Variants in FLRT1 observed in about 807,000 individuals in gnomAD.
FLRT1 encodes fibronectin leucine rich transmembrane protein 1.
FLRT1 carries 14 observed loss-of-function variants against 30.9 expected under a neutral mutation model. The observed-to-expected ratio is 0.45, with a 90% CI of 0.30 to 0.71. The LOEUF (loss-of-function observed/expected upper bound fraction) is 0.71. Ranked by LOEUF, FLRT1 falls within the 30% of genes least tolerant of loss-of-function variation. The pLI, the probability that FLRT1 is intolerant of heterozygous loss-of-function variation, is 0.08. For missense variants in FLRT1, 737 were observed against 949.2 expected (o/e 0.78, Z 2.94); for synonymous variants, 368 against 430.4 (o/e 0.85, Z 1.80).
intron 1 of FLRT1, among the ~76,000 whole-genome samples, chr11:64,049,555 G>A (rs9666077): frequency 6.6e-6 from 1 of 152,144 alleles, no homozygotes; most frequent in Non-Finnish European, 1.5e-5. Context: ...CTTGGTCTCC[G>A]AGCTCAGCTG....
intron 1 of FLRT1, among the ~76,000 whole-genome samples, chr11:64,056,157 G>C (rs1243656947): frequency 6.6e-6 from 1 of 152,126 alleles, no homozygotes; most frequent in Non-Finnish European, 1.5e-5. Flanking sequence ...CGCCCACTTT[G>C]CTCCCATCTT....
At chr11:64,043,329 C>T (rs536622633) in intron 1 of FLRT1, among the ~76,000 whole-genome samples, 24 of 152,308 alleles carry the variant, frequency 1.6e-4, no homozygotes, top group African/African-American at 5.3e-4. Context: ...GCTAGCTTTC[C>T]GCCCTCAGGA....
chr11:64,079,790 T>C (rs1013341261), intron 1 of FLRT1, among the ~76,000 whole-genome samples: 4 of 152,074 alleles, frequency 2.6e-5, no homozygotes, highest in African/African-American at 9.7e-5. Flanking sequence ...CACTTCCATC[T>C]GGAGGTACAG....
At position 64,117,820 on chromosome 11, in the gene FLRT1, C is replaced by G. The variant is rs747209239; in HGVS notation, c.1553C>G (p.Ala518Gly). ...ATGGAGACCAGCAATGCCTACGTAG[C>G]TGATGAGACACCCGTGTGTGCCAAG... ...VTMETSNAYV[A>G]DETPVCAKAE... Residue 518 changes from alanine to glycine, a missense_variant, in exon 3 of 3, where the codon GCT (alanine) becomes GGT (glycine). Physicochemically the swap from Ala to Gly is moderately conservative, Grantham distance 60. Transcript: ENST00000682287. 1 of 1,614,210 alleles carries G rather than the reference C, an allele frequency of 6.2e-7. No individual in the cohort carries two copies. Among genetic ancestry groups the G allele is most frequent in the Non-Finnish European group, 8.5e-7 (1 of 1,180,046 alleles).
At chr11:64,089,248 G>C (rs2134516725) in intron 1 of FLRT1, among the ~76,000 whole-genome samples, 1 of 152,306 alleles carries the variant, frequency 6.6e-6, no homozygotes, top group East Asian at 1.9e-4. Context: ...CCCGGGCTCT[G>C]GGTGGGGGAG....
intron 1 of FLRT1, among the ~76,000 whole-genome samples, chr11:64,049,515 A>G (rs1285645584): frequency 2.0e-5 from 3 of 152,144 alleles, no homozygotes; most frequent in Non-Finnish European, 4.4e-5. Flanking sequence ...TCCCCAGGCC[A>G]CACCTCCAAG....
chr11:64,078,500 C>T (rs1944244463), intron 1 of FLRT1, among the ~76,000 whole-genome samples: 1 of 152,230 alleles, frequency 6.6e-6, no homozygotes, highest in African/African-American at 2.4e-5. Flanking sequence ...CCACCCCGGC[C>T]TCCCCTTGCA....
chr11:64,046,145 G>A (rs1055088545), intron 1 of FLRT1, among the ~76,000 whole-genome samples: 6 of 152,140 alleles, frequency 3.9e-5, no homozygotes, highest in East Asian at 1.9e-4. Context: ...ATGGGAACCC[G>A]GCTTCTCTTA....
intron 1 of FLRT1, among the ~76,000 whole-genome samples, chr11:64,076,064 C>A (rs1425127067): frequency 6.6e-6 from 1 of 152,240 alleles, no homozygotes; most frequent in Non-Finnish European, 1.5e-5. Context: ...CTTCCCACAG[C>A]CTCCTGGTGG....
At position 64,116,453 on chromosome 11, in the gene FLRT1, C is replaced by T. The variant is rs779934784; in HGVS notation, c.186C>T (p.Asn62=). 13 of 1,614,076 alleles carry T rather than the reference C, an allele frequency of 8.1e-6. No individual in the cohort carries two copies. Among genetic ancestry groups the T allele is most frequent in the East Asian group, 6.7e-5 (3 of 44,872 alleles). The change falls in exon 3 of 3, where the codon AAC becomes AAT. Residue 62 remains asparagine, a synonymous_variant. Coordinates refer to ENST00000682287, the MANE Select transcript of FLRT1 (RefSeq NM_013280.5). Reference sequence around the variant, plus strand: ...GCCCCTCGGTGTGCCGCTGCGACAACGGCTTCATCTACTGCAACGACCGGG... The same window carrying T: ...GCCCCTCGGTGTGCCGCTGCGACAATGGCTTCATCTACTGCAACGACCGGG... ...TTCPSVCRCD[N]GFIYCNDRGL...
chr11:64,079,572 G>C (rs558899049), intron 1 of FLRT1, among the ~76,000 whole-genome samples: 1 of 152,318 alleles, frequency 6.6e-6, no homozygotes, highest in South Asian at 2.1e-4. Flanking sequence ...CGGGCACAGA[G>C]AGGAGTCCAG....
intron 2 of FLRT1, among the ~76,000 whole-genome samples, chr11:64,109,556 G>A (rs1944823786): frequency 6.6e-6 from 1 of 152,178 alleles, no homozygotes; most frequent in Admixed American, 6.5e-5. Context: ...GGGAGTGAGT[G>A]TGGCGTGGAG....
intron 1 of FLRT1, among the ~76,000 whole-genome samples, chr11:64,038,176 G>C (rs892634603): frequency 2.0e-5 from 3 of 152,158 alleles, no homozygotes; most frequent in South Asian, 4.1e-4. Context: ...TGATGGGGAG[G>C]GGGTGCTGCC....
rs78353563 is a variant in FLRT1 at position 64,116,254 on chromosome 11, C to T, written c.-14C>T. The T allele has an allele frequency of 1.3e-3, 1,993 of 1,589,894 alleles. 20 individuals are homozygous for T. In the African/African-American group the frequency reaches 0.023, roughly 18 times the overall value. On this transcript the variant is annotated 5_prime_UTR_variant, in exon 3 of 3. Transcript: ENST00000682287. ...TCCAGGCCAGGTGGGGCCGGACGCC[C>T]CCAGCCATCCACCATGGTGGTGGCA...
chr11:64,047,088 T>C (rs1943598422), intron 1 of FLRT1, among the ~76,000 whole-genome samples: 1 of 151,910 alleles, frequency 6.6e-6, no homozygotes, highest in Non-Finnish European at 1.5e-5. Context: ...CGACGTGCTG[T>C]TCCCTGTGTC....
intron 1 of FLRT1, among the ~76,000 whole-genome samples, chr11:64,076,769 C>A (rs932311287): frequency 1.3e-5 from 2 of 152,316 alleles, no homozygotes; most frequent in African/African-American, 2.4e-5. Context: ...GTTGGCAGAG[C>A]TAGCTAAGGT....
intron 1 of FLRT1, among the ~76,000 whole-genome samples, chr11:64,093,751 G>T (rs1253203680): frequency 6.6e-6 from 1 of 152,226 alleles, no homozygotes; most frequent in Non-Finnish European, 1.5e-5. Context: ...GTGGCTGTGT[G>T]TCTCTAAGAG....
intron 1 of FLRT1, among the ~76,000 whole-genome samples, chr11:64,078,353 C>A (rs1944241698): frequency 6.6e-6 from 1 of 152,246 alleles, no homozygotes; most frequent in South Asian, 2.1e-4. Flanking sequence ...AGTCCCTGGC[C>A]CGTCTGCGTT....
chr11:64,095,972 C>A (rs1590901340), intron 1 of FLRT1, among the ~76,000 whole-genome samples: 1 of 34,530 alleles, frequency 2.9e-5, no homozygotes, highest in East Asian at 3.4e-4. Flanking sequence ...CAGCAGTGGT[C>A]CCCCCACCCC....
Sources: allele counts gnomAD v4.1 joint callset (sites outside exome capture counted in the v4.1 genomes callset), GRCh38; gene constraint gnomAD v4.1.1; transcripts MANE v1.5; gene names NCBI Gene and HGNC (gene_info 2026-07-23, HGNC 2026-07-21).